The following KDM1B variants were observed in gnomAD, a reference collection of about 807,000 sequenced individuals.
KDM1B encodes lysine demethylase 1B, also known as lysine-specific histone demethylase 2.
KDM1B carries 63 observed loss-of-function variants against 107.4 expected under a neutral mutation model. The ratio of observed to expected loss-of-function variants is 0.59; its 90% CI spans 0.48 to 0.72. The LOEUF (loss-of-function observed/expected upper bound fraction) is 0.72, where lower values mean the gene tolerates loss of function less well. Ranked by LOEUF, KDM1B falls within the 30% of genes least tolerant of loss-of-function variation. The pLI, the probability that KDM1B is intolerant of heterozygous loss-of-function variation, is 0.00. For synonymous variants in KDM1B, 363 were observed against 363.9 expected (o/e 1.00, Z 0.03); for missense variants, 749 against 1,020.8 (o/e 0.73, Z 3.63).
At chr6:18,217,679 G>C in intron 20 of KDM1B, 54 bp from the exon 21 acceptor site, 1 of 1,509,600 alleles carries the variant, frequency 6.6e-7, no homozygotes, top group Non-Finnish European at 9.2e-7. Flanking sequence ...ACTGCGCCCT[G>C]CCATCTACAT....
At chr6:18,160,094 C>T (rs1387315060) in intron 3 of KDM1B, 112 bp downstream of exon 3, 4 of 663,352 alleles carry the variant, frequency 6.0e-6, no homozygotes, top group African/African-American at 5.5e-5. Flanking sequence ...TGCTTGTATT[C>T]TAGGGGAGAA....
intron 7 of KDM1B, among the ~76,000 whole-genome samples, chr6:18,173,391 AG>A (rs1390057552): frequency 6.6e-6 from 1 of 151,956 alleles, no homozygotes; most frequent in Non-Finnish European, 1.5e-5. Flanking sequence ...ATTGATTTGT[AG>A]TTCTTTATGT....
rs1199204431 is a variant in KDM1B at position 18,209,110 on chromosome 6, C to G, written c.1866+904C>G. On this transcript the variant is annotated intron_variant, in intron 17 of 21. Transcript: ENST00000650836. The surrounding 1 kb of genome is among the most constrained non-coding windows in gnomAD (Gnocchi z 4.3). ...TGAAATCTTGAAACTATCAGAAGTA[C>G]TTTCATATGGCTTAAATTTTTTGTA... is the stretch of plus-strand genomic sequence containing the variant. 1.3e-5 allele frequency among the ~76,000 whole-genome samples: 2 copies of G among 152,050 alleles called. No individual in the cohort carries two copies. Among genetic ancestry groups the G allele is most frequent in the Non-Finnish European group, 2.9e-5 (2 of 68,014 alleles).
rs937372108 is a variant in KDM1B at position 18,223,670 on chromosome 6, C to A, written c.*1678C>A. ...AAACTTCCTATCAAGTGACATACTT[C>A]ATTTGATTTTTTGTTTAAGAAGCCA... On this transcript the variant is annotated 3_prime_UTR_variant, in exon 22 of 22. Transcript: ENST00000650836. 1 of 152,054 alleles carries A rather than the reference C, an allele frequency of 6.6e-6. No individual in the cohort carries two copies. The highest frequency in any genetic ancestry group is 1.5e-5 in the Non-Finnish European group (1 of 68,006). 9.4% of individuals were successfully genotyped at this position (152,054 alleles called of 1,614,324 possible).
chr6:18,180,374 A>T (rs1018077789), intron 7 of KDM1B, among the ~76,000 whole-genome samples: 1 of 152,192 alleles, frequency 6.6e-6, no homozygotes, highest in South Asian at 2.1e-4. Context: ...GCATTTCATT[A>T]TAATATTTAA....
chr6:18,222,259 T>C lies in KDM1B; in HGVS notation c.*267T>C. The C allele has an allele frequency of 5.4e-6, 3 of 557,354 alleles. No individual in the cohort carries two copies. Among genetic ancestry groups the C allele is most frequent in the Non-Finnish European group, 1.0e-5 (3 of 295,358 alleles). The allele number at this position is 557,354 out of a possible 1,614,324, so 34.5% of individuals were successfully genotyped here. A position where few individuals can be genotyped will look rare whatever the true frequency, so the allele number is the denominator to read the frequency against. On this transcript the variant is annotated 3_prime_UTR_variant, in exon 22 of 22. Transcript: ENST00000650836. ...TTTCAGAATAAAGCAGAATGTAAGT[T>C]TCAGTTGAGGCCATGGATTTGATTG...
rs1789890279 is a variant in KDM1B at position 18,223,090 on chromosome 6, T to G, written c.*1098T>G. The G allele has an allele frequency of 6.6e-6, 1 of 152,518 alleles. No individual in the cohort carries two copies. Among genetic ancestry groups the G allele is most frequent in the African/African-American group, 2.4e-5 (1 of 41,404 alleles). The allele number at this position is 152,518 out of a possible 1,614,324, so 9.4% of individuals were successfully genotyped here. A position where few individuals can be genotyped will look rare whatever the true frequency, so the allele number is the denominator to read the frequency against. On this transcript the variant is annotated 3_prime_UTR_variant, in exon 22 of 22. Transcript: ENST00000650836. ...AATATCTCATTCTAAAATAAAACACTGGTTGCAGGGTCTTCAGGATGCCTA... is the reference window on the plus strand; with the variant it reads ...AATATCTCATTCTAAAATAAAACACGGGTTGCAGGGTCTTCAGGATGCCTA...
At chr6:18,216,524 G>A (rs1297577348) in intron 20 of KDM1B, among the ~76,000 whole-genome samples, 1 of 152,192 alleles carries the variant, frequency 6.6e-6, no homozygotes, top group African/African-American at 2.4e-5. Flanking sequence ...CGTGTTGCTT[G>A]TTGGAGGCCA....
chr6:18,160,583 A>G (rs1361462458), intron 3 of KDM1B, among the ~76,000 whole-genome samples: 1 of 146,804 alleles, frequency 6.8e-6, no homozygotes, highest in East Asian at 1.9e-4. Flanking sequence ...CTAAATATGC[A>G]AAAAATTAGC....
rs978041933 is a variant in KDM1B at position 18,214,467 on chromosome 6, A to C, written c.2110-540A>C. Among the ~76,000 whole-genome samples, 1 of 152,160 alleles carries C rather than the reference A, an allele frequency of 6.6e-6. No homozygotes were observed. The highest frequency in any genetic ancestry group is 2.4e-5 in the African/African-American group (1 of 41,436). Reference sequence around the variant, plus strand: ...TTAGTGAACAGCCAAGGGAACCTTAAAGTTGCTATTTACATTTCTTAGTGT... The same window carrying C: ...TTAGTGAACAGCCAAGGGAACCTTACAGTTGCTATTTACATTTCTTAGTGT... On this transcript the variant is annotated intron_variant, in intron 19 of 21. Transcript: ENST00000650836. This position sits in a 1 kb window ranked among gnomAD's most constrained non-coding sequence, Gnocchi z 4.4.
At position 18,191,422 on chromosome 6, in the gene KDM1B, G is replaced by A. The variant is rs1787277783; in HGVS notation, c.969+41G>A. 1 of 1,509,660 alleles carries A rather than the reference G, an allele frequency of 6.6e-7. No homozygotes were observed. Among genetic ancestry groups the A allele is most frequent in the Non-Finnish European group, 8.9e-7 (1 of 1,118,186 alleles). The allele number at this position is 1,509,660 out of a possible 1,614,324, so 93.5% of individuals were successfully genotyped here. A position where few individuals can be genotyped will look rare whatever the true frequency, so the allele number is the denominator to read the frequency against. Reference sequence around the variant, plus strand: ...TTAGCCAATAGCACTGGACAGAGGAGGACCATGTTGAAAAGGAGGGGATAC... The same window carrying A: ...TTAGCCAATAGCACTGGACAGAGGAAGACCATGTTGAAAAGGAGGGGATAC... On this transcript the variant is annotated intron_variant, in intron 10 of 21. Coordinates refer to ENST00000650836, the MANE Select transcript of KDM1B (RefSeq NM_001364614.2). This position sits in a 1 kb window ranked among gnomAD's most constrained non-coding sequence, Gnocchi z 5.1.
At chr6:18,179,979 G>T (rs1288972387) in intron 7 of KDM1B, among the ~76,000 whole-genome samples, 1 of 143,756 alleles carries the variant, frequency 7.0e-6, no homozygotes, top group Non-Finnish European at 1.5e-5. Flanking sequence ...TTCTGCCACC[G>T]TAGTCTCCTG....
At chr6:18,185,668 T>G in intron 7 of KDM1B, 104 bp from the exon 8 acceptor site, 1 of 1,047,626 alleles carries the variant, frequency 9.5e-7, no homozygotes, top group Non-Finnish European at 1.5e-6. Flanking sequence ...TGCTTTTCTT[T>G]GCCAGCCTGA....
At chr6:18,182,269 T>C (rs1397614796) in intron 7 of KDM1B, among the ~76,000 whole-genome samples, 1 of 152,136 alleles carries the variant, frequency 6.6e-6, no homozygotes, top group Non-Finnish European at 1.5e-5. Flanking sequence ...CCCCTTCATC[T>C]TATTGTTCCA....
intron 6 of KDM1B, among the ~76,000 whole-genome samples, chr6:18,167,547 C>T (rs1785384243): frequency 6.6e-6 from 1 of 151,562 alleles, no homozygotes; most frequent in Non-Finnish European, 1.5e-5. Flanking sequence ...AATCTTAGCT[C>T]ACTACAACCT....
chr6:18,167,165 G>C (rs1785352490), intron 6 of KDM1B, among the ~76,000 whole-genome samples: 1 of 151,876 alleles, frequency 6.6e-6, no homozygotes, highest in Non-Finnish European at 1.5e-5. Flanking sequence ...GACCATCCTG[G>C]CCAACATGGG....
At chr6:18,217,119 C>T (rs558898115) in intron 20 of KDM1B, among the ~76,000 whole-genome samples, 43 of 152,244 alleles carry the variant, frequency 2.8e-4, no homozygotes, top group Non-Finnish European at 5.6e-4. Flanking sequence ...AGGGAAGGCC[C>T]GAACTCTTAG....
At chr6:18,182,007 A>G (rs898446707) in intron 7 of KDM1B, among the ~76,000 whole-genome samples, 6 of 152,080 alleles carry the variant, frequency 3.9e-5, no homozygotes, top group African/African-American at 1.4e-4. Context: ...ATGTAGATTT[A>G]CTGCTCTCTG....
chr6:18,222,161 A>C lies in KDM1B; in HGVS notation c.*169A>C, dbSNP rs1254626799. The C allele has an allele frequency of 2.8e-6, 2 of 713,272 alleles. No homozygotes were observed. The highest frequency in any genetic ancestry group is 4.0e-5 in the Admixed American group (2 of 49,850). 44.2% of individuals were successfully genotyped at this position (713,272 alleles called of 1,614,324 possible). A position where few individuals can be genotyped will look rare whatever the true frequency, so the allele number is the denominator to read the frequency against. On this transcript the variant is annotated 3_prime_UTR_variant, in exon 22 of 22. Transcript: ENST00000650836. ...CTATTTCATCACTCTAAAAGCACTGACCTCAAAAAACCTTATAAGCACTTA... is the reference window on the plus strand; with the variant it reads ...CTATTTCATCACTCTAAAAGCACTGCCCTCAAAAAACCTTATAAGCACTTA...
Sources: gnomAD v4.1 joint callset for allele counts (sites outside exome capture counted in the v4.1 genomes callset) on GRCh38, gnomAD v4.1.1 for gene constraint, Gnocchi (gnomAD v3.1) non-coding constraint, MANE v1.5 for transcripts, NCBI Gene and HGNC (gene_info 2026-07-23, HGNC 2026-07-21) for gene names.